Variants in ZCCHC14 observed in about 807,000 individuals in gnomAD.
The protein encoded by ZCCHC14 is zinc finger CCHC-type containing 14.
ZCCHC14 carries 16 observed loss-of-function variants against 85.0 expected under a neutral mutation model. The observed-to-expected ratio is 0.19, with a 90% CI of 0.13 to 0.29. The LOEUF (loss-of-function observed/expected upper bound fraction) is 0.29, where lower values mean the gene tolerates loss of function less well. ZCCHC14 is among the 10% of genes least tolerant of loss of function. ZCCHC14 has a pLI of 1.00. For synonymous variants in ZCCHC14, 775 were observed against 630.7 expected (o/e 1.23, Z -3.43); for missense variants, 1,303 against 1,443.5 (o/e 0.90, Z 1.58).
intron 2 of ZCCHC14, among the ~76,000 whole-genome samples, chr16:87,446,494 A>G (rs1042053819): frequency 1.3e-5 from 2 of 151,846 alleles, no homozygotes; most frequent in Non-Finnish European, 2.9e-5. Flanking sequence ...AAAAAAAAAA[A>G]AAAATTATGA....
At chr16:87,481,639 G>C (rs12443520) in intron 1 of ZCCHC14, among the ~76,000 whole-genome samples, 2 of 148,326 alleles carry the variant, frequency 1.3e-5, no homozygotes, top group Non-Finnish European at 3.0e-5. Context: ...ACACTGAACC[G>C]GGGCTGTAAC....
chr16:87,425,352 G>A (rs184058718), intron 3 of ZCCHC14, among the ~76,000 whole-genome samples: 22 of 152,060 alleles, frequency 1.4e-4, no homozygotes, highest in Non-Finnish European at 1.8e-4. Context: ...TGAGGTGGGC[G>A]GATCACCTGA....
Position 87,492,869 on chromosome 16 carries a change from C to G in ZCCHC14, c.-631G>C, listed in dbSNP as rs1008101424. ...AGGGATCCGGCCGGGACTTGCCGGC[C>G]TTGCTGCTCCCGCGCGGCGGACGGA... On this transcript the variant is annotated 5_prime_UTR_variant, in exon 1 of 13. Coordinates refer to ENST00000671377, the MANE Select transcript of ZCCHC14 (RefSeq NM_015144.3). This position sits in a 1 kb window ranked among gnomAD's most constrained non-coding sequence, Gnocchi z 6.7. Among the ~76,000 whole-genome samples the G allele has an allele frequency of 3.4e-5, 5 of 148,216 alleles. No homozygotes were observed. Among genetic ancestry groups the G allele is most frequent in the African/African-American group, 1.2e-4 (5 of 40,830 alleles).
intron 2 of ZCCHC14, among the ~76,000 whole-genome samples, chr16:87,435,223 C>T (rs576478125): frequency 8.2e-4 from 125 of 152,216 alleles, no homozygotes; most frequent in Non-Finnish European, 1.4e-3. Flanking sequence ...TGGTTCTAAG[C>T]CTGCACTGCC....
chr16:87,420,580 G>A lies in ZCCHC14; in HGVS notation c.950+27C>T, dbSNP rs377499939. The A allele has an allele frequency of 7.0e-5, 110 of 1,582,526 alleles. No homozygotes were observed. The South Asian group carries it at 7.9e-4, about 11-fold the overall frequency. On this transcript the variant is annotated intron_variant, in intron 5 of 12. Coordinates refer to ENST00000671377, the MANE Select transcript of ZCCHC14 (RefSeq NM_015144.3). The surrounding 1 kb of genome is among the most constrained non-coding windows in gnomAD (Gnocchi z 5.0). ...CAGCCTGTCCTTGCCAGCTGTGGACGCGCCGGGTGCCTGGTAAGGGCCTCA... is the reference window on the plus strand; with the variant it reads ...CAGCCTGTCCTTGCCAGCTGTGGACACGCCGGGTGCCTGGTAAGGGCCTCA...
intron 3 of ZCCHC14, among the ~76,000 whole-genome samples, chr16:87,427,651 TTTTTGAGACAAGGTCTC>T (rs926321596): frequency 1.1e-4 from 16 of 152,174 alleles, no homozygotes; most frequent in African/African-American, 3.6e-4. Context: ...TTTTTTTTCT[TTTTTGAGACAAGGTCTC>T]TCACTGTCGC....
At chr16:87,475,355 T>G (rs1911956290) in intron 1 of ZCCHC14, among the ~76,000 whole-genome samples, 1 of 151,944 alleles carries the variant, frequency 6.6e-6, no homozygotes, top group Non-Finnish European at 1.5e-5. Context: ...AGTTCGAGAC[T>G]AGCCTGGCCA....
At chr16:87,439,380 G>A (rs560602813) in intron 2 of ZCCHC14, among the ~76,000 whole-genome samples, 3 of 152,136 alleles carry the variant, frequency 2.0e-5, no homozygotes, top group African/African-American at 4.8e-5. Flanking sequence ...TGATTCACCC[G>A]CCTCGGCCTC....
At chr16:87,447,128 G>A (rs558680008) in intron 2 of ZCCHC14, among the ~76,000 whole-genome samples, 55 of 152,042 alleles carry the variant, frequency 3.6e-4, no homozygotes, top group Non-Finnish European at 6.3e-4. Context: ...AAGACACTCC[G>A]GCAAAGCTCT....
rs1213087404 is a variant in ZCCHC14, at chr16:87,420,572, C to T, written c.950+35G>A. Reference sequence around the variant, plus strand: ...CACAGGACCAGCCTGTCCTTGCCAGCTGTGGACGCGCCGGGTGCCTGGTAA... The same window carrying T: ...CACAGGACCAGCCTGTCCTTGCCAGTTGTGGACGCGCCGGGTGCCTGGTAA... On this transcript the variant is annotated intron_variant, in intron 5 of 12. Transcript: ENST00000671377. This position sits in a 1 kb window ranked among gnomAD's most constrained non-coding sequence, Gnocchi z 5.0. 1 of 1,558,746 alleles carries T rather than the reference C, an allele frequency of 6.4e-7. No homozygotes were observed. Among genetic ancestry groups the T allele is most frequent in the Admixed American group, 1.8e-5 (1 of 56,520 alleles).
intron 8 of ZCCHC14, among the ~76,000 whole-genome samples, chr16:87,415,762 G>C (rs1271575900): frequency 1.3e-5 from 2 of 152,160 alleles, no homozygotes; most frequent in African/African-American, 4.8e-5. Context: ...GTCACAGTTT[G>C]AATCACCGTG....
rs35830701 is a variant in ZCCHC14 at position 87,479,416 on chromosome 16, C to CAAA, written c.570+12250_570+12252dup. 3.1e-3 allele frequency among the ~76,000 whole-genome samples: 365 copies of CAAA among 119,334 alleles called. 3 individuals carry two copies. Among genetic ancestry groups the CAAA allele is most frequent in the African/African-American group, 0.01 (350 of 34,810 alleles). 78.3% of individuals were successfully genotyped at this position (119,334 alleles called of 152,430 possible). On this transcript the variant is annotated intron_variant, in intron 1 of 12. Transcript: ENST00000671377. The stretch of plus-strand genomic sequence containing the variant: ...TGGGTGACAACGCAAGACTACGTCT[C>CAAA]AAAAAAAAAAAAAAAGAAACCTAAG...
chr16:87,428,462 CAAAGGACAACTTACTT>C (rs1383541817), intron 3 of ZCCHC14, among the ~76,000 whole-genome samples: 1 of 152,192 alleles, frequency 6.6e-6, no homozygotes, highest in Admixed American at 6.5e-5. Flanking sequence ...TTTCCACTTA[CAAAGGACAACTTACTT>C]AAAGGACAAT....
At chr16:87,434,695 A>G (rs1309229389) in intron 2 of ZCCHC14, among the ~76,000 whole-genome samples, 1 of 152,182 alleles carries the variant, frequency 6.6e-6, no homozygotes, top group Admixed American at 6.5e-5. Context: ...GTATGGCCAA[A>G]AAGTTTTTTG....
chr16:87,458,526 C>T (rs752216550), intron 2 of ZCCHC14, among the ~76,000 whole-genome samples: 1 of 152,160 alleles, frequency 6.6e-6, no homozygotes, highest in Non-Finnish European at 1.5e-5. Context: ...TGTCTCCATA[C>T]CATACCGTGC....
At chr16:87,422,905 CG>C (rs113340588) in intron 4 of ZCCHC14, among the ~76,000 whole-genome samples, 23,683 of 149,810 alleles carry the variant, frequency 0.16, 3,685 homozygotes, top group African/African-American at 0.41. Flanking sequence ...AGCAGATTCC[CG>C]GGGGGGGGTG....
intron 1 of ZCCHC14, among the ~76,000 whole-genome samples, chr16:87,477,153 C>CAAAAAAAAAAAAAAAAAAAAAAAAAAAAA (rs1412376609): frequency 1.7e-5 from 2 of 116,208 alleles, no homozygotes; most frequent in African/African-American, 9.0e-5. Context: ...AAAACAAAAC[C>CAAAAAAAAAAAAAAAAAAAAAAAAAAAAA]AAAAAAAAAT....
chr16:87,491,666 C>T lies in ZCCHC14; in HGVS notation c.570+3G>A. On this transcript the variant is annotated splice_donor_region_variant and intron_variant, in intron 1 of 12. Coordinates refer to ENST00000671377, the MANE Select transcript of ZCCHC14 (RefSeq NM_015144.3). The surrounding 1 kb of genome is among the most constrained non-coding windows in gnomAD (Gnocchi z 5.9). ...CAGGGCAGAGCTCGGGGCGGGCACGCACCTTGTGGCAGGCTGGGCAAGTGG... is the reference window on the plus strand; with the variant it reads ...CAGGGCAGAGCTCGGGGCGGGCACGTACCTTGTGGCAGGCTGGGCAAGTGG... The T allele has an allele frequency of 7.1e-7, 1 of 1,412,650 alleles. No individual in the cohort carries two copies. Among genetic ancestry groups the T allele is most frequent in the Non-Finnish European group, 9.2e-7 (1 of 1,089,556 alleles). The allele number at this position is 1,412,650 out of a possible 1,614,324, so 87.5% of individuals were successfully genotyped here. A position where few individuals can be genotyped will look rare whatever the true frequency, so the allele number is the denominator to read the frequency against.
chr16:87,421,799 T>A (rs1909112276), intron 4 of ZCCHC14, among the ~76,000 whole-genome samples: 1 of 152,108 alleles, frequency 6.6e-6, no homozygotes, highest in Admixed American at 6.5e-5. Flanking sequence ...CCTGCCCAGA[T>A]GGCCTCCAGG....
Sources: allele counts gnomAD v4.1 joint callset (sites outside exome capture counted in the v4.1 genomes callset), GRCh38; gene constraint gnomAD v4.1.1; non-coding constraint Gnocchi (gnomAD v3.1); transcripts MANE v1.5; gene names NCBI Gene and HGNC (gene_info 2026-07-23, HGNC 2026-07-21).